ADGRL3: variants seen among roughly 807,000 people sequenced by gnomAD.
ADGRL3 encodes adhesion G protein-coupled receptor L3.
In ADGRL3, 62 loss-of-function variants were observed where a neutral mutation model predicts 153.5. The ratio of observed to expected loss-of-function variants is 0.40; its 90% CI spans 0.33 to 0.50. The LOEUF (loss-of-function observed/expected upper bound fraction) is 0.50. ADGRL3 is among the 20% of genes least tolerant of loss of function. The pLI is 0.47. For missense variants in ADGRL3, 1,641 were observed against 1,859.4 expected (o/e 0.88, Z 2.16); for synonymous variants, 710 against 672.5 (o/e 1.06, Z -0.86).
intron 8 of ADGRL3, among the ~76,000 whole-genome samples, chr4:61,754,209 G>A (rs1381180492): frequency 6.6e-6 from 1 of 152,084 alleles, no homozygotes; most frequent in Non-Finnish European, 1.5e-5. Flanking sequence ...CAAAGGCTTA[G>A]CAATATAACC....
intron 13 of ADGRL3, among the ~76,000 whole-genome samples, chr4:61,931,555 TG>T (rs1333813598): frequency 3.3e-5 from 5 of 152,162 alleles, no homozygotes; most frequent in Non-Finnish European, 5.9e-5. Flanking sequence ...AATTCGGGGA[TG>T]TGGTTCCAAA....
At chr4:61,700,725 G>A (rs923180263) in intron 6 of ADGRL3, among the ~76,000 whole-genome samples, 2 of 152,108 alleles carry the variant, frequency 1.3e-5, no homozygotes, top group African/African-American at 4.8e-5. Context: ...TGAAAATCAA[G>A]AAATGTTTAC....
intron 25 of ADGRL3, among the ~76,000 whole-genome samples, chr4:62,062,500 A>T (rs539931929): frequency 4.1e-4 from 62 of 152,100 alleles, no homozygotes; most frequent in Admixed American, 3.0e-3. Flanking sequence ...TGCAATTTGT[A>T]TTTTGCTTTC....
rs117890184 is a variant in ADGRL3, at chr4:61,804,173, C to A, written c.1400-9636C>A. 3.8e-3 allele frequency among the ~76,000 whole-genome samples: 571 copies of A among 152,206 alleles called. 9 individuals carry two copies. Among genetic ancestry groups the A allele is most frequent in the East Asian group, 0.023 (117 of 5,174 alleles). On this transcript the variant is annotated intron_variant, in intron 8 of 26. Coordinates refer to ENST00000683033, the MANE Select transcript of ADGRL3 (RefSeq NM_001387552.1). ...GGAGAATATCCATATTTTTTAATTT[C>A]TCTATGTGCCAATCTGTTCTCTTTA...
chr4:61,346,613 G>GAA lies in ADGRL3; in HGVS notation c.-239-36499_-239-36498dup, dbSNP rs35020356. Among the ~76,000 whole-genome samples, 206 of 142,032 alleles carry GAA rather than the reference G, an allele frequency of 1.5e-3. 2 individuals are homozygous for GAA. The highest frequency in any genetic ancestry group is 4.3e-3 in the African/African-American group (164 of 37,908). 93.2% of individuals were successfully genotyped at this position (142,032 alleles called of 152,430 possible). ...ACACTGTCTTTACAAAAGAAAAATA[G>GAA]AAAAAAAAAAAAATAGCCAGACATG... On this transcript the variant is annotated intron_variant, in intron 1 of 26. Coordinates refer to ENST00000683033, the MANE Select transcript of ADGRL3 (RefSeq NM_001387552.1).
At chr4:61,763,857 C>A (rs1271129453) in intron 8 of ADGRL3, among the ~76,000 whole-genome samples, 1 of 152,080 alleles carries the variant, frequency 6.6e-6, no homozygotes, top group Non-Finnish European at 1.5e-5. Flanking sequence ...AGCTAACCAA[C>A]ATTTTAACTT....
Position 61,532,532 on chromosome 4 carries a change from G to GCA in ADGRL3, c.259+15015_259+15016insAC, listed in dbSNP as rs1491101391. Among the ~76,000 whole-genome samples the GCA allele has an allele frequency of 1.5e-3, 195 of 131,688 alleles. 3 individuals are homozygous for GCA. The East Asian group carries it at 0.037, about 25-fold the overall frequency. The allele number at this position is 131,688 out of a possible 152,430, so 86.4% of individuals were successfully genotyped here. On this transcript the variant is annotated intron_variant, in intron 4 of 26. Transcript: ENST00000683033. ...GTCTTGTTTCTGCAGGATGCTGCATGCGCGCGCGCGCGCGCGCGCGCGCGT... is the reference window on the plus strand; with the variant it reads ...GTCTTGTTTCTGCAGGATGCTGCATGCACGCGCGCGCGCGCGCGCGCGCGCGT...
chr4:61,746,332 G>A (rs1211102022), intron 8 of ADGRL3, among the ~76,000 whole-genome samples: 4 of 152,164 alleles, frequency 2.6e-5, no homozygotes, highest in Non-Finnish European at 4.4e-5. Flanking sequence ...CCCAGGAATT[G>A]AAGTCAGCTC....
intron 6 of ADGRL3, among the ~76,000 whole-genome samples, chr4:61,709,285 C>G (rs889334681): frequency 3.3e-5 from 5 of 152,080 alleles, no homozygotes; most frequent in African/African-American, 9.7e-5. Context: ...TAATTTACTG[C>G]TTATTTGAAT....
At chr4:61,516,857 G>A (rs1326915123) in intron 3 of ADGRL3, among the ~76,000 whole-genome samples, 1 of 151,946 alleles carries the variant, frequency 6.6e-6, no homozygotes, top group Non-Finnish European at 1.5e-5. Context: ...ACCTTTCTGG[G>A]ACTTTCTTTA....
intron 1 of ADGRL3, among the ~76,000 whole-genome samples, chr4:61,280,110 T>TC (rs1448020695): frequency 1.1e-4 from 5 of 44,228 alleles, no homozygotes; most frequent in East Asian, 5.1e-4. Context: ...TTCTTTTCTT[T>TC]TTCTTTTTTT....
intron 8 of ADGRL3, among the ~76,000 whole-genome samples, chr4:61,766,401 T>G (rs2096980684): frequency 6.6e-6 from 1 of 152,136 alleles, no homozygotes; most frequent in South Asian, 2.1e-4. Context: ...ACATGAGGGC[T>G]AGGCTAAAAC....
intron 5 of ADGRL3, among the ~76,000 whole-genome samples, chr4:61,594,842 C>T (rs2098982684): frequency 1.3e-5 from 2 of 152,132 alleles, no homozygotes; most frequent in South Asian, 2.1e-4. Flanking sequence ...ACCAATTTGC[C>T]TGATGTTCTA....
At chr4:62,029,869 T>G (rs1721008038) in intron 22 of ADGRL3, among the ~76,000 whole-genome samples, 1 of 151,578 alleles carries the variant, frequency 6.6e-6, no homozygotes, top group South Asian at 2.1e-4. Context: ...ATGGCAATTC[T>G]TATTTTTTCT....
At chr4:61,471,738 A>G (rs2097957487) in intron 2 of ADGRL3, among the ~76,000 whole-genome samples, 1 of 152,012 alleles carries the variant, frequency 6.6e-6, no homozygotes. Context: ...TTTAACTGAC[A>G]AAAAAGCATT....
intron 26 of ADGRL3, 47 bp from the exon 27 acceptor site, chr4:62,070,062 A>G (rs1338127765): frequency 4.7e-6 from 7 of 1,492,348 alleles, no homozygotes; most frequent in Non-Finnish European, 6.4e-6. Context: ...TGTGTGTTCT[A>G]TGGCTTGTTG....
At chr4:61,372,898 C>A (rs1322883880) in intron 1 of ADGRL3, among the ~76,000 whole-genome samples, 1 of 152,198 alleles carries the variant, frequency 6.6e-6, no homozygotes, top group Non-Finnish European at 1.5e-5. Flanking sequence ...GGGGCAGGAC[C>A]CTCCGAGCCA....
At chr4:61,363,731 T>C (rs1329557091) in intron 1 of ADGRL3, among the ~76,000 whole-genome samples, 2 of 152,184 alleles carry the variant, frequency 1.3e-5, no homozygotes, top group Non-Finnish European at 2.9e-5. Flanking sequence ...AATTGTGTGC[T>C]AGAGATAGTT....
Position 61,476,708 on chromosome 4 carries a change from TAAAAAAAAA to T in ADGRL3, c.-173-20391_-173-20383del, listed in dbSNP as rs34866230. On this transcript the variant is annotated intron_variant, in intron 2 of 26. Transcript: ENST00000683033. ...TGGGCAACAAGAGCAAGACTCTGTCTAAAAAAAAAAAAAAAAAAAAAAAAAAAAAACAAA... is the reference window on the plus strand; with the variant it reads ...TGGGCAACAAGAGCAAGACTCTGTCTAAAAAAAAAAAAAAAAAAAAACAAA... Among the ~76,000 whole-genome samples the T allele has an allele frequency of 4.5e-4, 15 of 33,568 alleles. No individual in the cohort carries two copies. In the East Asian group the frequency reaches 0.014, roughly 32 times the overall value. The allele number at this position is 33,568 out of a possible 152,430, so 22.0% of individuals were successfully genotyped here.
Sources: gnomAD v4.1 joint callset for allele counts (sites outside exome capture counted in the v4.1 genomes callset) on GRCh38, gnomAD v4.1.1 for gene constraint, MANE v1.5 for transcripts, NCBI Gene and HGNC (gene_info 2026-07-23, HGNC 2026-07-21) for gene names.